TWSG1: variants seen among roughly 807,000 people sequenced by gnomAD.
TWSG1 encodes twisted gastrulation protein homolog 1.
In TWSG1, 15 loss-of-function variants were observed where a neutral mutation model predicts 23.0. The observed-to-expected ratio is 0.65, with a 90% CI of 0.44 to 1.00. The LOEUF (loss-of-function observed/expected upper bound fraction) is 1.00. Ranked by LOEUF, TWSG1 falls within the 50% of genes least tolerant of loss-of-function variation. The pLI, the probability that TWSG1 is intolerant of heterozygous loss-of-function variation, is 0.00. For synonymous variants in TWSG1, 86 were observed against 92.8 expected (o/e 0.93, Z 0.42); for missense variants, 242 against 278.7 (o/e 0.87, Z 0.94).
chr18:9,399,263 T>G, intron 4 of TWSG1, 83 bp from the exon 5 acceptor site: 1 of 890,660 alleles, frequency 1.1e-6, no homozygotes, highest in South Asian at 1.8e-5. Context: ...AAATAACTGT[T>G]AATATTCAAC....
intron 3 of TWSG1, chr18:9,388,410 AT>A (rs1290028485): frequency 1.3e-5 from 2 of 152,244 alleles, no homozygotes; most frequent in African/African-American, 4.8e-5. Context: ...TTTTCATAGG[AT>A]TATGTTAAGG....
chr18:9,388,949 G>A (rs1338242760), intron 3 of TWSG1, among the ~76,000 whole-genome samples: 7 of 151,728 alleles, frequency 4.6e-5, no homozygotes, highest in African/African-American at 9.7e-5. Flanking sequence ...TAATTTTTTT[G>A]TGTGTTTGTT....
At chr18:9,367,859 AT>A (rs1446353890) in intron 3 of TWSG1, among the ~76,000 whole-genome samples, 13 of 152,132 alleles carry the variant, frequency 8.5e-5, no homozygotes, top group African/African-American at 3.1e-4. Flanking sequence ...GTGGAATTGT[AT>A]TTTATATTGT....
chr18:9,348,633 T>G (rs552625931), intron 2 of TWSG1, among the ~76,000 whole-genome samples: 5 of 152,230 alleles, frequency 3.3e-5, no homozygotes, highest in African/African-American at 1.2e-4. Flanking sequence ...ACAGGGCACA[T>G]TGACATTTTA....
chr18:9,369,441 G>A (rs1294388726), intron 3 of TWSG1, among the ~76,000 whole-genome samples: 1 of 151,980 alleles, frequency 6.6e-6, no homozygotes, highest in Non-Finnish European at 1.5e-5. Context: ...GCTAATTTTT[G>A]TATTTTTAGT....
At chr18:9,358,245 G>A (rs2040536125) in intron 2 of TWSG1, among the ~76,000 whole-genome samples, 1 of 151,946 alleles carries the variant, frequency 6.6e-6, no homozygotes, top group African/African-American at 2.4e-5. Flanking sequence ...AGGAATGGGG[G>A]GGCCACAGGA....
Position 9,337,225 on chromosome 18 carries a change from G to T in TWSG1, c.-5G>T. On this transcript the variant is annotated 5_prime_UTR_variant, in exon 2 of 5. Coordinates refer to ENST00000262120, the MANE Select transcript of TWSG1 (RefSeq NM_020648.6). The stretch of plus-strand genomic sequence containing the variant: ...GGAGTTACTGATCATCTTCTTTGAA[G>T]AAACATGAAGTTACACTATGTTGCT... 6.2e-7 allele frequency: 1 copy of T among 1,609,918 alleles called. No homozygotes were observed.
intron 3 of TWSG1, among the ~76,000 whole-genome samples, chr18:9,367,195 G>A (rs957979005): frequency 5.9e-5 from 9 of 152,104 alleles, no homozygotes; most frequent in African/African-American, 2.2e-4. Context: ...GCTTCCCAAA[G>A]TGCTGGGATT....
intron 2 of TWSG1, among the ~76,000 whole-genome samples, chr18:9,339,881 A>G (rs2040438513): frequency 2.6e-5 from 4 of 152,176 alleles, no homozygotes; most frequent in Non-Finnish European, 4.4e-5. Flanking sequence ...TGGAAAAGCA[A>G]ATGGAGCTTC....
chr18:9,368,083 A>G (rs2040588010), intron 3 of TWSG1, among the ~76,000 whole-genome samples: 1 of 152,192 alleles, frequency 6.6e-6, no homozygotes, highest in Non-Finnish European at 1.5e-5. Context: ...TCCCACCAAC[A>G]GCATGCAAGG....
intron 3 of TWSG1, among the ~76,000 whole-genome samples, chr18:9,361,959 T>C (rs2040554705): frequency 6.6e-6 from 1 of 152,202 alleles, no homozygotes; most frequent in Non-Finnish European, 1.5e-5. Flanking sequence ...GACTGCTCAG[T>C]CAGGTACCTT....
intron 3 of TWSG1, among the ~76,000 whole-genome samples, chr18:9,374,358 A>G (rs1364524277): frequency 1.3e-5 from 2 of 152,240 alleles, no homozygotes; most frequent in Non-Finnish European, 2.9e-5. Flanking sequence ...ATCACTATAG[A>G]TCCTATGGAT....
At chr18:9,341,752 CTGATG>C (rs1568030492) in intron 2 of TWSG1, among the ~76,000 whole-genome samples, 1 of 151,566 alleles carries the variant, frequency 6.6e-6, no homozygotes, top group African/African-American at 2.4e-5. Flanking sequence ...CTCTTTATTC[CTGATG>C]TAAGTGGAGA....
rs2040657375 is a variant in TWSG1, at chr18:9,381,773, T to TA, written c.224-14506dup. On this transcript the variant is annotated intron_variant, in intron 3 of 4. Transcript: ENST00000262120. ...GTTTATCATACAACTAGTAAAGAGG[T>TA]ATATATTTTTCAACCTATTTTTGAA... is the stretch of plus-strand genomic sequence containing the variant. 5.9e-5 allele frequency among the ~76,000 whole-genome samples: 9 copies of TA among 152,228 alleles called. No homozygotes were observed. The South Asian group carries it at 1.9e-3, about 32-fold the overall frequency.
At chr18:9,346,437 T>A (rs2040477846) in intron 2 of TWSG1, among the ~76,000 whole-genome samples, 1 of 152,236 alleles carries the variant, frequency 6.6e-6, no homozygotes, top group Non-Finnish European at 1.5e-5. Context: ...GTTTATCCAT[T>A]CACTTATTGA....
intron 3 of TWSG1, among the ~76,000 whole-genome samples, chr18:9,367,563 C>T (rs1003258946): frequency 6.6e-6 from 1 of 152,258 alleles, no homozygotes; most frequent in East Asian, 1.9e-4. Context: ...TCTTAGGAAC[C>T]GGGCCACATA....
chr18:9,364,573 C>T (rs533020072), intron 3 of TWSG1, among the ~76,000 whole-genome samples: 3 of 151,984 alleles, frequency 2.0e-5, no homozygotes, highest in Non-Finnish European at 4.4e-5. Flanking sequence ...GGGGGCGAAT[C>T]ACCTTAAGTC....
At chr18:9,373,066 T>C (rs984960418) in intron 3 of TWSG1, among the ~76,000 whole-genome samples, 1 of 152,184 alleles carries the variant, frequency 6.6e-6, no homozygotes, top group Admixed American at 6.5e-5. Flanking sequence ...GAGAATGATA[T>C]ACAATGGTAA....
At position 9,360,362 on chromosome 18, in the gene TWSG1, A is replaced by AT. The variant is rs372967223; in HGVS notation, c.223+301dup. Among the ~76,000 whole-genome samples, 251 of 149,600 alleles carry AT rather than the reference A, an allele frequency of 1.7e-3. 2 individuals carry two copies. Among genetic ancestry groups the AT allele is most frequent in the Middle Eastern group, 3.5e-3 (1 of 288 alleles). ...TGTTGAATTTTTTATAAGCAGCAGC[A>AT]TTTTTTTTTTGTTTTTAATAAGAAG... is the stretch of plus-strand genomic sequence containing the variant. On this transcript the variant is annotated intron_variant, in intron 3 of 4. Coordinates refer to ENST00000262120, the MANE Select transcript of TWSG1 (RefSeq NM_020648.6).
Sources: gnomAD v4.1 joint callset for allele counts (sites outside exome capture counted in the v4.1 genomes callset) on GRCh38, gnomAD v4.1.1 for gene constraint, MANE v1.5 for transcripts, NCBI Gene and HGNC (gene_info 2026-07-23, HGNC 2026-07-21) for gene names.